The following EYS variants were observed in gnomAD, a reference collection of about 807,000 sequenced individuals.
EYS encodes EGF-like photoreceptor maintenance factor, also known as protein eyes shut homolog.
A neutral mutation model predicts 282.1 loss-of-function variants in EYS; 250 were observed. The observed-to-expected ratio is 0.89, with a 90% confidence interval of 0.80 to 0.98. The LOEUF (loss-of-function observed/expected upper bound fraction) is 0.98, where lower values mean the gene tolerates loss of function less well. Among genes scored for constraint, EYS ranks in the 50% least tolerant of loss-of-function variants. The pLI, the probability that EYS is intolerant of heterozygous loss-of-function variation, is 0.00. For missense variants in EYS, 4,016 were observed against 3,709.0 expected (o/e 1.08, Z -2.15); for synonymous variants, 1,355 against 1,282.9 (o/e 1.06, Z -1.20).
chr6:64,445,136 T>A (rs1028631044), intron 26 of EYS, among the ~76,000 whole-genome samples: 1 of 152,232 alleles, frequency 6.6e-6, no homozygotes, highest in Non-Finnish European at 1.5e-5. Context: ...ATATAGATTT[T>A]AAAAAGTCAG....
intron 29 of EYS, among the ~76,000 whole-genome samples, chr6:64,317,063 T>G (rs1769999843): frequency 6.6e-6 from 1 of 152,016 alleles, no homozygotes; most frequent in Non-Finnish European, 1.5e-5. Flanking sequence ...AAAAATTAAC[T>G]CAAGATGGAT....
chr6:63,758,316 A>C (rs971935661), intron 41 of EYS, among the ~76,000 whole-genome samples: 1 of 152,304 alleles, frequency 6.6e-6, no homozygotes, highest in African/African-American at 2.4e-5. Context: ...AGAAAACATT[A>C]TCTTTTTAAA....
intron 31 of EYS, among the ~76,000 whole-genome samples, chr6:64,223,846 T>G (rs1285175925): frequency 2.0e-5 from 3 of 152,040 alleles, no homozygotes; most frequent in Non-Finnish European, 4.4e-5. Context: ...ATAAGATAAA[T>G]CATACTTCCC....
At chr6:65,327,842 T>A (rs1360997590) in intron 11 of EYS, among the ~76,000 whole-genome samples, 1 of 151,544 alleles carries the variant, frequency 6.6e-6, no homozygotes, top group Non-Finnish European at 1.5e-5. Context: ...AAATAAAGAC[T>A]GATAATAGTC....
chr6:64,716,373 CAT>C (rs1212565585), intron 22 of EYS, among the ~76,000 whole-genome samples: 2 of 152,320 alleles, frequency 1.3e-5, no homozygotes, highest in African/African-American at 2.4e-5. Flanking sequence ...GCACACATAA[CAT>C]GTGTTCATGC....
chr6:63,949,672 A>G lies in EYS; in HGVS notation c.7055+34711T>C, dbSNP rs150932936. On this transcript the variant is annotated intron_variant, in intron 35 of 42. Coordinates refer to ENST00000503581, the MANE Select transcript of EYS (RefSeq NM_001142800.2). ...ATGACCTCCTTGAGTTAAGAGACAC[A>G]CAGTTATTCTCATTCTTCTGGGAAT... 1.3e-3 allele frequency among the ~76,000 whole-genome samples: 202 copies of G among 152,306 alleles called. 1 individual carries two copies. The highest frequency in any genetic ancestry group is 4.6e-3 in the African/African-American group (193 of 41,558).
At chr6:65,258,524 T>C (rs533082420) in intron 12 of EYS, among the ~76,000 whole-genome samples, 9 of 152,164 alleles carry the variant, frequency 5.9e-5, no homozygotes, top group African/African-American at 2.2e-4. Context: ...GTTGATGTAG[T>C]ATATGTCACA....
chr6:65,560,304 TATATAATATATTATTAATATAAC>T (rs35095916), intron 2 of EYS, among the ~76,000 whole-genome samples: 8,419 of 144,006 alleles, frequency 0.058, 706 homozygotes, highest in African/African-American at 0.18. Context: ...CATATAATAA[TATATAATATATTATTAATATAAC>T]ATATAATATG....
chr6:64,573,618 A>C (rs1215440215), intron 26 of EYS, among the ~76,000 whole-genome samples: 1 of 152,222 alleles, frequency 6.6e-6, no homozygotes, highest in Non-Finnish European at 1.5e-5. Flanking sequence ...GGCAAAGGAT[A>C]TGAGCAGACA....
At chr6:64,729,374 C>T (rs906815880) in intron 22 of EYS, among the ~76,000 whole-genome samples, 1 of 152,136 alleles carries the variant, frequency 6.6e-6, no homozygotes, top group Non-Finnish European at 1.5e-5. Flanking sequence ...TTGAACGTGG[C>T]TATGTGACTT....
intron 29 of EYS, among the ~76,000 whole-genome samples, chr6:64,384,768 G>A (rs899727745): frequency 1.3e-5 from 2 of 152,076 alleles, no homozygotes; most frequent in African/African-American, 4.8e-5. Flanking sequence ...GGTCATCAGG[G>A]GAAGCAGAGT....
intron 19 of EYS, among the ~76,000 whole-genome samples, chr6:64,842,975 T>TGG (rs1458123862): frequency 6.6e-6 from 1 of 151,972 alleles, no homozygotes; most frequent in Non-Finnish European, 1.5e-5. Flanking sequence ...CCCAAGACAA[T>TGG]GGGGAAATTG....
At chr6:64,267,463 C>T (rs1442896996) in intron 30 of EYS, among the ~76,000 whole-genome samples, 2 of 152,058 alleles carry the variant, frequency 1.3e-5, no homozygotes, top group Admixed American at 6.6e-5. Flanking sequence ...TCCGTGATAG[C>T]TCCCTGTAAT....
chr6:64,085,340 GCA>G lies in EYS; in HGVS notation c.6425-3340_6425-3339del, dbSNP rs71551560. On this transcript the variant is annotated intron_variant, in intron 31 of 42. Coordinates refer to ENST00000503581, the MANE Select transcript of EYS (RefSeq NM_001142800.2). ...CGCGCGCGCGTGCGCACGTGCGCGCGCACACACACACACACACACACACACAG... is the reference window on the plus strand; with the variant it reads ...CGCGCGCGCGTGCGCACGTGCGCGCGCACACACACACACACACACACACAG... Among the ~76,000 whole-genome samples, 258 of 139,794 alleles carry G rather than the reference GCA, an allele frequency of 1.8e-3. 1 individual carries two copies. Among genetic ancestry groups the G allele is most frequent in the South Asian group, 9.7e-3 (42 of 4,316 alleles). 91.7% of individuals were successfully genotyped at this position (139,794 alleles called of 152,430 possible). A position where few individuals can be genotyped will look rare whatever the true frequency, so the allele number is the denominator to read the frequency against.
intron 33 of EYS, among the ~76,000 whole-genome samples, chr6:64,061,997 A>G (rs538137139): frequency 8.6e-5 from 13 of 151,636 alleles, no homozygotes; most frequent in African/African-American, 3.1e-4. Context: ...CCATCATGCT[A>G]TTTTTTTTAT....
chr6:64,089,395 A>G (rs1003607822), intron 31 of EYS, among the ~76,000 whole-genome samples: 2 of 149,748 alleles, frequency 1.3e-5, no homozygotes, highest in African/African-American at 4.9e-5. Context: ...TAAATACTAT[A>G]TATAAATAAG....
intron 33 of EYS, among the ~76,000 whole-genome samples, chr6:64,032,664 G>T (rs1416595482): frequency 6.6e-6 from 1 of 152,148 alleles, no homozygotes; most frequent in South Asian, 2.1e-4. Context: ...CAAATTGGGG[G>T]TACACACAGC....
intron 39 of EYS, among the ~76,000 whole-genome samples, chr6:63,781,579 T>C (rs1770227600): frequency 6.6e-6 from 1 of 152,208 alleles, no homozygotes; most frequent in African/African-American, 2.4e-5. Flanking sequence ...GGAATGCTTG[T>C]GATTTTTGCA....
intron 12 of EYS, among the ~76,000 whole-genome samples, chr6:65,178,697 T>G (rs1765293215): frequency 6.6e-6 from 1 of 152,012 alleles, no homozygotes; most frequent in Non-Finnish European, 1.5e-5. Context: ...AACTCAGCTC[T>G]GCACCAAGCA....
Sources: gnomAD v4.1 joint callset for allele counts (sites outside exome capture counted in the v4.1 genomes callset) on GRCh38, gnomAD v4.1.1 for gene constraint, MANE v1.5 for transcripts, NCBI Gene and HGNC (gene_info 2026-07-23, HGNC 2026-07-21) for gene names.